The following TTN variants were observed in gnomAD, a reference collection of about 807,000 sequenced individuals.
The protein encoded by TTN is connectin.
Under a neutral mutation model 3,223.0 loss-of-function variants are expected in TTN, and 1,525 were observed. The observed-to-expected ratio is 0.47, with a 90% CI of 0.45 to 0.49. The LOEUF is 0.49. Ranked by LOEUF, TTN falls within the 20% of genes least tolerant of loss-of-function variation. The probability of loss-of-function intolerance (pLI) is 0.00; values close to 1 mark genes in which losing one functional copy is unlikely to be tolerated. For missense variants in TTN, 40,786 were observed against 43,424.0 expected, an observed-to-expected ratio of 0.94 and a Z score of 5.40; for synonymous variants, 14,094 against 15,161.0, an observed-to-expected ratio of 0.93 and a Z score of 5.17.
In TTN at chr2:178,749,300, C is replaced by T. The variant is rs143058656; in HGVS notation, c.11311+3824G>A. The T allele has an allele frequency of 2.5e-6, 4 of 1,611,862 alleles. No homozygotes were observed. In the African/African-American group the frequency reaches 4.0e-5, roughly 16 times the overall value. On this transcript the variant is annotated intron_variant, in intron 47 of 362. Transcript: ENST00000589042. ...TGCTTGGTGCAGCTTTGATTTTTCA[C>T]TTACATGTCTCTCTTTCCCTTCAGC... is the stretch of plus-strand genomic sequence containing the variant.
rs377710763 is a variant in TTN at position 178,681,133 on chromosome 2, G to T, written c.33286C>A (p.Arg11096Ser). Reference protein sequence around the residue: ...EPKKVFEEKIRISITKREKEQ... With the variant: ...EPKKVFEEKISISITKREKEQ... ...TTTTCACGTTTGGTAATTGAAATAC[G>T]TATTTTTTCCTCAAAAACTTTCTTT... Residue 11096 changes from arginine to serine, a missense_variant, in exon 138 of 363, where the codon CGT becomes AGT. Coordinates refer to ENST00000589042, the MANE Select transcript of TTN (RefSeq NM_001267550.2). 1.9e-6 allele frequency: 3 copies of T among 1,603,844 alleles called. No homozygotes were observed. Among genetic ancestry groups the T allele is most frequent in the Non-Finnish European group, 2.5e-6 (3 of 1,176,860 alleles).
chr2:178,739,765 C>T lies in TTN; in HGVS notation c.13468G>A (p.Ala4490Thr), dbSNP rs777158735. Residue 4490 changes from alanine to threonine, a missense_variant, in exon 48 of 363, where the codon GCT becomes ACT. Physicochemically the swap from Ala to Thr is moderately conservative, Grantham distance 58. Coordinates refer to ENST00000589042, the MANE Select transcript of TTN (RefSeq NM_001267550.2). ...CCTTGCTGAATTCTAGGACCCTCAG[C>T]TGTTAGGATGTCTATTTCCTCATAT... Reference protein sequence around the residue: ...IIYEEIDILTAEGPRIQQGAK... With the variant: ...IIYEEIDILTTEGPRIQQGAK... The T allele has an allele frequency of 1.9e-6, 3 of 1,613,856 alleles. No individual in the cohort carries two copies. The South Asian group carries it at 3.3e-5, about 18-fold the overall frequency.
chr2:178,583,389 A>G (rs1282133381), intron 312 of TTN, 162 bp from the exon 313 acceptor site: 3 of 852,282 alleles, frequency 3.5e-6, no homozygotes, highest in East Asian at 2.8e-5. Context: ...TGCACTATTG[A>G]ATAACTATTG....
At position 178,564,947 on chromosome 2, in the gene TTN, T is replaced by A; in HGVS notation, c.81185A>T (p.Lys27062Met). 6.2e-7 allele frequency: 1 copy of A among 1,612,428 alleles called. No individual in the cohort carries two copies. The highest frequency in any genetic ancestry group is 8.5e-7 in the Non-Finnish European group (1 of 1,179,176). ...AAATGGATATTGTACAATAACTGCC[T>A]TAGAATCCAGTGGGGCACTTTTTCC... ...RYGKSAPLDS[K>M]AVIVQYPFKE... The change falls in exon 326 of 363, where the codon AAG (lysine) becomes ATG (methionine). Residue 27062 changes from lysine (K) to methionine (M), a missense_variant. By Grantham distance (95) the Lys-to-Met change is moderately conservative. Coordinates refer to ENST00000589042, the MANE Select transcript of TTN (RefSeq NM_001267550.2).
chr2:178,746,706 C>T, intron 47 of TTN: 1 of 1,613,390 alleles, frequency 6.2e-7, no homozygotes, highest in Non-Finnish European at 8.5e-7. Flanking sequence ...CCCACTCTTT[C>T]CATTTTGATT....
chr2:178,669,962 T>A (rs377193319), intron 157 of TTN, among the ~76,000 whole-genome samples: 1 of 151,994 alleles, frequency 6.6e-6, no homozygotes, highest in East Asian at 1.9e-4. Flanking sequence ...CCAAAATGAA[T>A]TATTTTTGAA....
Position 178,620,697 on chromosome 2 carries a change from G to A in TTN, c.45895+18C>T. On this transcript the variant is annotated intron_variant, in intron 247 of 362. Coordinates refer to ENST00000589042, the MANE Select transcript of TTN (RefSeq NM_001267550.2). ...AGAAACTGATGAAAAAATCTCTAGT[G>A]GTATATAAATTACTTACCTTCTACT... 1 of 1,609,888 alleles carries A rather than the reference G, an allele frequency of 6.2e-7. No individual in the cohort carries two copies. The highest frequency in any genetic ancestry group is 8.5e-7 in the Non-Finnish European group (1 of 1,178,436).
rs727505242 is a variant in TTN at position 178,532,811 on chromosome 2, G to T, written c.103804C>A (p.Gln34602Lys). ...CGTGGAAGAGGCATCACATAGAACT[G>T]TTCCCATCTTGAAAGGCGGATGCGC... ...PKRIRLSRWEQFYVMPLPRIT... is the reference protein window; with the variant it reads ...PKRIRLSRWEKFYVMPLPRIT... The change falls in exon 358 of 363, where the codon CAG becomes AAG. Residue 34602 changes from glutamine (Q) to lysine (K), a missense_variant. Physicochemically the swap from Gln to Lys is moderately conservative, Grantham distance 53 (BLOSUM62 1). Coordinates refer to ENST00000589042, the MANE Select transcript of TTN (RefSeq NM_001267550.2). 3 of 1,613,948 alleles carry T rather than the reference G, an allele frequency of 1.9e-6. No homozygotes were observed. The highest frequency in any genetic ancestry group is 1.7e-6 in the Non-Finnish European group (2 of 1,179,864).
In TTN at chr2:178,575,652, A is replaced by G. The variant is rs72646888; in HGVS notation, c.70480T>C (p.Tyr23494His). The G allele has an allele frequency of 6.2e-6, 10 of 1,613,596 alleles. No homozygotes were observed. The highest frequency in any genetic ancestry group is 7.6e-6 in the Non-Finnish European group (9 of 1,179,650). ...CCTTCAGACAAGCCGGTAACTTTATATGTGCATTTATGGCACTTAGTGGTG... is the reference window on the plus strand; with the variant it reads ...CCTTCAGACAAGCCGGTAACTTTATGTGTGCATTTATGGCACTTAGTGGTG... Reference protein sequence around the residue: ...TATTKCHKCTYKVTGLSEGCE... With the variant: ...TATTKCHKCTHKVTGLSEGCE... The change falls in exon 326 of 363, where the codon TAT (tyrosine) becomes CAT (histidine). Residue 23494 changes from tyrosine (Y) to histidine (H), a missense_variant. Physicochemically the swap from Tyr to His is moderately conservative, Grantham distance 83. Transcript: ENST00000589042. This position sits in a 1 kb window ranked among gnomAD's most constrained non-coding sequence, Gnocchi z 4.0.
chr2:178,789,277 G>T, intron 13 of TTN, 83 bp downstream of exon 13: 1 of 1,550,284 alleles, frequency 6.5e-7, no homozygotes, highest in Non-Finnish European at 8.9e-7. Context: ...TGATATTAAT[G>T]TATTACAATA....
At position 178,740,074 on chromosome 2, in the gene TTN, T is replaced by C. The variant is rs2082218953; in HGVS notation, c.13159A>G (p.Ile4387Val). 1 of 1,613,824 alleles carries C rather than the reference T, an allele frequency of 6.2e-7. No homozygotes were observed. The highest frequency in any genetic ancestry group is 8.5e-7 in the Non-Finnish European group (1 of 1,179,816). ...LLSKESLLSG[I>V]PEEQRLNLKI... ...AGGTTTAATCTCTGCTCTTCTGGAATACCAGAAAGCAAGCTTTCCTTAGAA... is the reference window on the plus strand; with the variant it reads ...AGGTTTAATCTCTGCTCTTCTGGAACACCAGAAAGCAAGCTTTCCTTAGAA... Residue 4387 changes from isoleucine to valine, a missense_variant, in exon 48 of 363, where the codon ATT becomes GTT. Ile to Val is a conservative substitution (Grantham distance 29). Transcript: ENST00000589042.
intron 240 of TTN, among the ~76,000 whole-genome samples, chr2:178,625,677 C>T (rs1410649038): frequency 6.6e-6 from 1 of 151,972 alleles, no homozygotes; most frequent in Non-Finnish European, 1.5e-5. Flanking sequence ...CACCCACTAA[C>T]TCATCATCTA....
Position 178,620,319 on chromosome 2 carries a change from G to C in TTN, c.46202C>G (p.Thr15401Arg), listed in dbSNP as rs2058077890. The C allele has an allele frequency of 1.3e-6, 2 of 1,588,240 alleles. No individual in the cohort carries two copies. The highest frequency in any genetic ancestry group is 2.2e-5 in the East Asian group (1 of 44,478). Residue 15401 changes from threonine to arginine, a missense_variant, in exon 248 of 363, where the codon ACA (threonine) becomes AGA (arginine). Transcript: ENST00000589042. Reference sequence around the variant, plus strand: ...GACAGCGTCATCGAACTCAGTGACTGTCTGATCTTCCAAGTGTTCCACAAA... The same window carrying C: ...GACAGCGTCATCGAACTCAGTGACTCTCTGATCTTCCAAGTGTTCCACAAA... ...TEFVEHLEDQTVTEFDDAVFS... is the reference protein window; with the variant it reads ...TEFVEHLEDQRVTEFDDAVFS...
rs2060076521 is a variant in TTN at position 178,633,660 on chromosome 2, G to A, written c.42699C>T (p.Phe14233=). The A allele has an allele frequency of 1.9e-6, 3 of 1,612,810 alleles. No homozygotes were observed. The highest frequency in any genetic ancestry group is 2.2e-5 in the East Asian group (1 of 44,614). The change falls in exon 232 of 363, where the codon TTC becomes TTT. Residue 14233 remains phenylalanine (F), a synonymous_variant. Coordinates refer to ENST00000589042, the MANE Select transcript of TTN (RefSeq NM_001267550.2). ...CAGTTTTGTCATGTAATTTCACAGT[G>A]AAGTAGGGATCGGCCTCTGTAAAAG... is the stretch of plus-strand genomic sequence containing the variant. The part of the protein sequence containing the change: ...QLKVLEADPY[F]TVKLHDKTAV...
chr2:178,744,531 A>C, intron 47 of TTN: 1 of 874,962 alleles, frequency 1.1e-6, no homozygotes, highest in South Asian at 5.4e-5. Flanking sequence ...GAGTTACTTT[A>C]GAAACATAAA....
Position 178,775,473 on chromosome 2 carries a change from C to G in TTN, c.6391G>C (p.Asp2131His). 6.2e-7 allele frequency: 1 copy of G among 1,614,026 alleles called. No homozygotes were observed. The highest frequency in any genetic ancestry group is 1.1e-5 in the South Asian group (1 of 91,070). The change falls in exon 28 of 363, where the codon GAC (aspartate) becomes CAC (histidine). Residue 2131 changes from aspartate to histidine, a missense_variant. Asp to His is a moderately conservative substitution (Grantham distance 81, BLOSUM62 -1). Coordinates refer to ENST00000589042, the MANE Select transcript of TTN (RefSeq NM_001267550.2). ...CTTATGACCAATTCACAAACATTGT[C>G]TTCGGGCCAGTACCAGTAGATCCGG... Reference protein sequence around the residue: ...SDRIYWYWPEDNVCELVIRDV... With the variant: ...SDRIYWYWPEHNVCELVIRDV...
rs373473754 is a variant in TTN at position 178,537,425 on chromosome 2, C to T, written c.99782G>A (p.Arg33261His). The change falls in exon 355 of 363, where the codon CGT becomes CAT. Residue 33261 changes from arginine (R) to histidine (H), a missense_variant. Coordinates refer to ENST00000589042, the MANE Select transcript of TTN (RefSeq NM_001267550.2). ...TTTGTATTTCCCAGCATGAGTCTTACGTTGGACATTCTTCATGACAAGATG... is the reference window on the plus strand; with the variant it reads ...TTTGTATTTCCCAGCATGAGTCTTATGTTGGACATTCTTCATGACAAGATG... ...YTHLVMKNVQ[R>H]KTHAGKYKVQ... The T allele has an allele frequency of 6.2e-6, 10 of 1,612,330 alleles. No individual in the cohort carries two copies. The highest frequency in any genetic ancestry group is 4.0e-5 in the African/African-American group (3 of 74,836).
At chr2:178,594,292 C>A in intron 296 of TTN, 50 bp from the exon 297 acceptor site, 1 of 1,594,304 alleles carries the variant, frequency 6.3e-7, no homozygotes. Flanking sequence ...TGTCTTATTA[C>A]AAATCTACAA....
At position 178,707,693 on chromosome 2, in the gene TTN, T is replaced by C; in HGVS notation, c.28874A>G (p.Lys9625Arg). 1 of 1,613,966 alleles carries C rather than the reference T, an allele frequency of 6.2e-7. No homozygotes were observed. The highest frequency in any genetic ancestry group is 8.5e-7 in the Non-Finnish European group (1 of 1,179,860). ...GSEPIRIQWL[K>R]AGREIKPSDR... ...TGAAGGCTTTATTTCCCTGCCAGCCTTCAACCACTGGATCCTAATTGGCTC... is the reference window on the plus strand; with the variant it reads ...TGAAGGCTTTATTTCCCTGCCAGCCCTCAACCACTGGATCCTAATTGGCTC... The change falls in exon 100 of 363, where the codon AAG (lysine) becomes AGG (arginine). Residue 9625 changes from lysine to arginine, a missense_variant. By Grantham distance (26) the Lys-to-Arg change is conservative (BLOSUM62 2). Coordinates refer to ENST00000589042, the MANE Select transcript of TTN (RefSeq NM_001267550.2).
Sources: allele counts gnomAD v4.1 joint callset (sites outside exome capture counted in the v4.1 genomes callset), GRCh38; gene constraint gnomAD v4.1.1; non-coding constraint Gnocchi (gnomAD v3.1); transcripts MANE v1.5; gene names NCBI Gene and HGNC (gene_info 2026-07-23, HGNC 2026-07-21).